The following HELZ variants were observed in gnomAD, a reference collection of about 807,000 sequenced individuals.
The protein encoded by HELZ is ATP-dependent RNA helicase with zinc finger domain.
HELZ carries 23 observed loss-of-function variants against 218.2 expected under a neutral mutation model. The ratio of observed to expected loss-of-function variants is 0.11; its 90% CI spans 0.08 to 0.15. The LOEUF is 0.15. Among genes scored for constraint, HELZ ranks in the 10% least tolerant of loss-of-function variants. HELZ has a pLI of 1.00. For missense variants in HELZ, 1,813 were observed against 2,353.7 expected (o/e 0.77, Z 4.75); for synonymous variants, 814 against 829.4 (o/e 0.98, Z 0.32).
At chr17:67,193,574 A>T (rs553459903) in intron 9 of HELZ, among the ~76,000 whole-genome samples, 1 of 151,094 alleles carries the variant, frequency 6.6e-6, no homozygotes, top group East Asian at 2.0e-4. Context: ...AAAATTAGCC[A>T]GTGTGGTGGC....
intron 13 of HELZ, among the ~76,000 whole-genome samples, chr17:67,172,360 A>G (rs2039338068): frequency 6.6e-6 from 1 of 152,124 alleles, no homozygotes; most frequent in Non-Finnish European, 1.5e-5. Context: ...CTGGATTACA[A>G]ACTTTTGGGG....
intron 13 of HELZ, among the ~76,000 whole-genome samples, chr17:67,169,657 GTTC>G (rs936355844): frequency 2.0e-5 from 3 of 152,122 alleles, no homozygotes; most frequent in African/African-American, 7.2e-5. Flanking sequence ...CCAAATGCAT[GTTC>G]TTCTCACATA....
intron 15 of HELZ, among the ~76,000 whole-genome samples, chr17:67,164,683 T>G (rs928157472): frequency 6.6e-6 from 1 of 152,146 alleles, no homozygotes; most frequent in African/African-American, 2.4e-5. Flanking sequence ...TTAAACAAAC[T>G]TCAAGGTAAT....
rs1259763448 is a variant in HELZ at position 67,074,627 on chromosome 17, C to G, written c.*3625G>C. On this transcript the variant is annotated 3_prime_UTR_variant, in exon 33 of 33. Coordinates refer to ENST00000358691, the MANE Select transcript of HELZ (RefSeq NM_014877.4). Reference sequence around the variant, plus strand: ...TCAACTACACTAGAGCAACACAATACTATATATTAATTATCCCAAAGTTGG... The same window carrying G: ...TCAACTACACTAGAGCAACACAATAGTATATATTAATTATCCCAAAGTTGG... The G allele has an allele frequency of 6.6e-6, 1 of 152,058 alleles. No homozygotes were observed. Among genetic ancestry groups the G allele is most frequent in the Non-Finnish European group, 1.5e-5 (1 of 67,974 alleles). 9.4% of individuals were successfully genotyped at this position (152,058 alleles called of 1,614,324 possible).
intron 9 of HELZ, 49 bp downstream of exon 9, chr17:67,193,918 C>A: frequency 7.3e-7 from 1 of 1,360,800 alleles, no homozygotes; most frequent in South Asian, 1.2e-5. Flanking sequence ...AATTATCTGT[C>A]CTTTCAACAA....
intron 5 of HELZ, among the ~76,000 whole-genome samples, chr17:67,209,310 G>A (rs2040393125): frequency 6.6e-6 from 1 of 151,948 alleles, no homozygotes; most frequent in African/African-American, 2.4e-5. Flanking sequence ...GCAAAATGCT[G>A]AAGTAGGCCG....
intron 25 of HELZ, 138 bp downstream of exon 25, chr17:67,123,825 G>GTGTGTA: frequency 1.3e-5 from 9 of 695,282 alleles, no homozygotes; most frequent in Admixed American, 6.9e-5. Context: ...CTGTGTGTGT[G>GTGTGTA]TGTGTGTGTG....
chr17:67,149,861 A>C lies in HELZ; in HGVS notation c.2475+6T>G, dbSNP rs1283928666. 1 of 1,541,578 alleles carries C rather than the reference A, an allele frequency of 6.5e-7. No homozygotes were observed. Among genetic ancestry groups the C allele is most frequent in the Non-Finnish European group, 8.9e-7 (1 of 1,122,414 alleles). Reference sequence around the variant, plus strand: ...CTTTCAACACAGCAACTCAGAGGGCACTTACCTGCATGTGATCACCAGCCA... The same window carrying C: ...CTTTCAACACAGCAACTCAGAGGGCCCTTACCTGCATGTGATCACCAGCCA... On this transcript the variant is annotated splice_donor_region_variant and intron_variant, in intron 19 of 32. Transcript: ENST00000358691.
chr17:67,143,497 T>A (rs1427546399), intron 21 of HELZ, among the ~76,000 whole-genome samples: 3 of 151,948 alleles, frequency 2.0e-5, no homozygotes, highest in Non-Finnish European at 4.4e-5. Context: ...GTACCCATAG[T>A]CCCAGTTATT....
chr17:67,143,394 G>GC (rs2038394599), intron 21 of HELZ, among the ~76,000 whole-genome samples: 1 of 152,076 alleles, frequency 6.6e-6, no homozygotes, highest in South Asian at 2.1e-4. Flanking sequence ...GATCGCTTGA[G>GC]CCCAGGAGTT....
intron 3 of HELZ, among the ~76,000 whole-genome samples, chr17:67,223,932 TAA>T (rs980085698): frequency 6.6e-6 from 1 of 152,178 alleles, no homozygotes; most frequent in Non-Finnish European, 1.5e-5. Context: ...TGCTGACCTA[TAA>T]AAAGAGACTA....
Position 67,107,576 on chromosome 17 carries a change from T to C in HELZ, c.4834A>G (p.Ser1612Gly). The change falls in exon 31 of 33, where the codon AGT becomes GGT. Residue 1612 changes from serine (S) to glycine (G), a missense_variant. Physicochemically the swap from Ser to Gly is moderately conservative, Grantham distance 56. Around this residue, in one of 4 missense-constraint regions of HELZ, gnomAD observed 938 missense variants for 1,027.5 expected, o/e 0.91. Transcript: ENST00000358691. ...SRLLQYRQVQSRSPPAVPSPP... is the reference protein window; with the variant it reads ...SRLLQYRQVQGRSPPAVPSPP... The stretch of plus-strand genomic sequence containing the variant: ...GATGGGACTGCTGGTGGGCTTCTAC[T>C]CTGTACTTGTCTATATTGCAAAAGT... 6.2e-7 allele frequency: 1 copy of C among 1,614,182 alleles called. No individual in the cohort carries two copies. The highest frequency in any genetic ancestry group is 8.5e-7 in the Non-Finnish European group (1 of 1,180,036).
intron 24 of HELZ, among the ~76,000 whole-genome samples, chr17:67,126,268 C>T (rs574400321): frequency 1.1e-4 from 16 of 152,246 alleles, no homozygotes; most frequent in Admixed American, 1.0e-3. Flanking sequence ...AAATAGTAAC[C>T]ATAATCTAGG....
At position 67,074,200 on chromosome 17, in the gene HELZ, A is replaced by G. The variant is rs1024913834; in HGVS notation, c.*4052T>C. The stretch of plus-strand genomic sequence containing the variant: ...GTTAAGGGGATGGTGAGCAAGAAAT[A>G]ATGTACGGTAAATCATAAAAGACAA... On this transcript the variant is annotated 3_prime_UTR_variant, in exon 33 of 33. Coordinates refer to ENST00000358691, the MANE Select transcript of HELZ (RefSeq NM_014877.4). 1 of 151,962 alleles carries G rather than the reference A, an allele frequency of 6.6e-6. No individual in the cohort carries two copies. Among genetic ancestry groups the G allele is most frequent in the Non-Finnish European group, 1.5e-5 (1 of 67,980 alleles). 9.4% of individuals were successfully genotyped at this position (151,962 alleles called of 1,614,324 possible). A position where few individuals can be genotyped will look rare whatever the true frequency, so the allele number is the denominator to read the frequency against.
At chr17:67,211,928 C>G (rs1217666669) in intron 5 of HELZ, among the ~76,000 whole-genome samples, 1 of 151,922 alleles carries the variant, frequency 6.6e-6, no homozygotes, top group African/African-American at 2.4e-5. Flanking sequence ...TTTTTTAATT[C>G]CATGATGAAG....
chr17:67,225,493 T>C (rs1322721233), intron 3 of HELZ: 1 of 153,472 alleles, frequency 6.5e-6, no homozygotes, highest in African/African-American at 2.4e-5. Context: ...CAGTGAAATA[T>C]CACCTTTTAA....
In HELZ at chr17:67,107,187, C is replaced by CGAA. The variant is rs922957193; in HGVS notation, c.5220_5222dup (p.Ser1741dup). On this transcript the variant is annotated inframe_insertion, in exon 31 of 33. Transcript: ENST00000358691. Reference sequence around the variant, plus strand: ...CATTTACCTCTTCTAAGCTAGGGAGCGAAGAAGAAGATACTGTTCGAGATG... The same window carrying CGAA: ...CATTTACCTCTTCTAAGCTAGGGAGCGAAGAAGAAGAAGATACTGTTCGAGATG... 1 of 1,612,306 alleles carries CGAA rather than the reference C, an allele frequency of 6.2e-7. No homozygotes were observed. Among genetic ancestry groups the CGAA allele is most frequent in the Non-Finnish European group, 8.5e-7 (1 of 1,179,172 alleles).
chr17:67,224,965 A>C, intron 3 of HELZ: 1 of 703,998 alleles, frequency 1.4e-6, no homozygotes, highest in Admixed American at 1.8e-5. Flanking sequence ...GATCTAAGAG[A>C]ATGCTGGCTA....
Position 67,072,868 on chromosome 17 carries a change from T to A in HELZ, c.*5384A>T, listed in dbSNP as rs1162682165. ...AAACTGCGAGAATCAGACCCAGTGA[T>A]TTTCAAAGTGTGGTTCCTGGACTGG... On this transcript the variant is annotated 3_prime_UTR_variant, in exon 33 of 33. Transcript: ENST00000358691. 1 of 152,196 alleles carries A rather than the reference T, an allele frequency of 6.6e-6. No individual in the cohort carries two copies. Among genetic ancestry groups the A allele is most frequent in the Non-Finnish European group, 1.5e-5 (1 of 68,036 alleles). 9.4% of individuals were successfully genotyped at this position (152,196 alleles called of 1,614,324 possible). A position where few individuals can be genotyped will look rare whatever the true frequency, so the allele number is the denominator to read the frequency against.
Sources: allele counts gnomAD v4.1 joint callset (sites outside exome capture counted in the v4.1 genomes callset), GRCh38; gene constraint gnomAD v4.1.1; regional missense constraint gnomAD v4.1.1; transcripts MANE v1.5; gene names NCBI Gene and HGNC (gene_info 2026-07-23, HGNC 2026-07-21).